Variants in MAPK10 observed in about 807,000 individuals in gnomAD.
The protein encoded by MAPK10 is JNK3 alpha protein kinase.
A neutral mutation model predicts 59.3 loss-of-function variants in MAPK10; 25 were observed. The ratio of observed to expected loss-of-function variants is 0.42; its 90% CI spans 0.31 to 0.59. MAPK10 has a LOEUF of 0.59. MAPK10 is among the 20% of genes least tolerant of loss of function. The pLI is 0.15. For missense variants in MAPK10, 351 were observed against 568.9 expected, an observed-to-expected ratio of 0.62 and a Z score of 3.90; for synonymous variants, 190 against 200.5, an observed-to-expected ratio of 0.95 and a Z score of 0.44.
rs116541412 is a variant in MAPK10, at chr4:86,397,613, G to A, written c.-121-42969C>T. 4.1e-3 allele frequency among the ~76,000 whole-genome samples: 625 copies of A among 152,170 alleles called. 6 individuals are homozygous for A. The highest frequency in any genetic ancestry group is 0.014 in the African/African-American group (597 of 41,544). On this transcript the variant is annotated intron_variant, in intron 1 of 13. Transcript: ENST00000361569. ...GTTAACTTCCCCTGGGCTTCCGGGT[G>A]TGAGATCCCTTCTTTCCCCACTGAT...
chr4:86,455,787 T>C (rs1470976214), upstream of MAPK10, among the ~76,000 whole-genome samples: 1 of 152,152 alleles, frequency 6.6e-6, no homozygotes, highest in East Asian at 1.9e-4. Context: ...GGATTTAAAC[T>C]ATGCACTGGA....
At chr4:86,067,257 T>A (rs912042253) in intron 10 of MAPK10, among the ~76,000 whole-genome samples, 1 of 152,160 alleles carries the variant, frequency 6.6e-6, no homozygotes. Flanking sequence ...CTCTCCTGCC[T>A]CAGCCTCCTG....
intron 1 of MAPK10, among the ~76,000 whole-genome samples, chr4:86,547,727 G>A (rs1267281979): frequency 2.0e-5 from 3 of 152,220 alleles, no homozygotes; most frequent in East Asian, 1.9e-4. Flanking sequence ...TGGGGATGTG[G>A]AGAACCTTTA....
chr4:86,589,713 TTAATC>T (rs941845919), intron 1 of MAPK10, among the ~76,000 whole-genome samples: 1 of 151,688 alleles, frequency 6.6e-6, no homozygotes, highest in Non-Finnish European at 1.5e-5. Context: ...AAAATGTTCT[TTAATC>T]TAGCAATTTT....
intron 2 of MAPK10, among the ~76,000 whole-genome samples, chr4:86,346,472 A>ATT (rs780269576): frequency 2.2e-4 from 34 of 152,152 alleles, no homozygotes; most frequent in Non-Finnish European, 4.1e-4. Context: ...AGACATAACC[A>ATT]TCATAGGCCT....
At chr4:86,435,692 CTT>C (rs1389103937) in intron 1 of MAPK10, among the ~76,000 whole-genome samples, 1 of 152,144 alleles carries the variant, frequency 6.6e-6, no homozygotes, top group Non-Finnish European at 1.5e-5. Flanking sequence ...TGATTAGTCA[CTT>C]TTGCTCTGGC....
At chr4:86,213,994 A>C (rs1475601466) in intron 2 of MAPK10, among the ~76,000 whole-genome samples, 1 of 152,108 alleles carries the variant, frequency 6.6e-6, no homozygotes, top group Non-Finnish European at 1.5e-5. Flanking sequence ...AACTCTTAGC[A>C]ACAAAATACT....
At chr4:86,118,233 C>G (rs1033840556) in intron 4 of MAPK10, among the ~76,000 whole-genome samples, 18 of 152,202 alleles carry the variant, frequency 1.2e-4, no homozygotes, top group Non-Finnish European at 2.9e-5. Flanking sequence ...GTCACAGATT[C>G]ATGTCTGAAA....
chr4:86,128,625 T>A (rs1230177789), intron 4 of MAPK10, among the ~76,000 whole-genome samples: 1 of 152,164 alleles, frequency 6.6e-6, no homozygotes, highest in Admixed American at 6.5e-5. Flanking sequence ...GTCTTGGGTA[T>A]GACTTTTTTA....
intron 2 of MAPK10, among the ~76,000 whole-genome samples, chr4:86,288,370 C>G (rs1311266964): frequency 7.2e-6 from 1 of 139,156 alleles, no homozygotes; most frequent in Non-Finnish European, 1.5e-5. Context: ...TAATGTTGAA[C>G]TCTATGAAAT....
intron 1 of MAPK10, among the ~76,000 whole-genome samples, chr4:86,382,626 T>G (rs903447810): frequency 2.0e-5 from 3 of 152,210 alleles, no homozygotes; most frequent in Non-Finnish European, 4.4e-5. Context: ...TAAGAATGAA[T>G]GTATTCACTT....
chr4:86,034,172 G>A (rs2039689589), intron 11 of MAPK10, among the ~76,000 whole-genome samples: 2 of 152,106 alleles, frequency 1.3e-5, no homozygotes, highest in Admixed American at 6.6e-5. Context: ...AGGATAAGAG[G>A]ACATTAAAGA....
intron 4 of MAPK10, among the ~76,000 whole-genome samples, chr4:86,139,764 A>G (rs934400025): frequency 1.3e-5 from 2 of 151,922 alleles, no homozygotes; most frequent in African/African-American, 4.8e-5. Context: ...AATGGGAGAA[A>G]ATTTTCTCAA....
intron 9 of MAPK10, chr4:86,081,925 T>C (rs1183980567): frequency 1.3e-5 from 2 of 151,784 alleles, no homozygotes; most frequent in East Asian, 1.9e-4. Context: ...AGTCTACTTA[T>C]AGGATAATGG....
intron 1 of MAPK10, among the ~76,000 whole-genome samples, chr4:86,394,038 A>C (rs1742589585): frequency 6.6e-6 from 1 of 152,170 alleles, no homozygotes; most frequent in Admixed American, 6.5e-5. Flanking sequence ...TGGGAGGCCG[A>C]GGTAGGCGGA....
At chr4:86,302,043 A>C (rs536015110) in intron 2 of MAPK10, among the ~76,000 whole-genome samples, 1 of 150,822 alleles carries the variant, frequency 6.6e-6, no homozygotes, top group East Asian at 2.0e-4. Context: ...AAAAAAAAAA[A>C]TCCAGTTGCA....
At chr4:86,398,002 A>G (rs1388204041) in intron 1 of MAPK10, among the ~76,000 whole-genome samples, 1 of 151,810 alleles carries the variant, frequency 6.6e-6, no homozygotes, top group Non-Finnish European at 1.5e-5. Context: ...TGAACTACCT[A>G]CTTTCCACTC....
intron 4 of MAPK10, among the ~76,000 whole-genome samples, chr4:86,135,225 T>C (rs992937974): frequency 1.3e-5 from 2 of 152,222 alleles, no homozygotes; most frequent in Admixed American, 6.5e-5. Context: ...GCTCCACCTC[T>C]GGGGGCAGGG....
At chr4:86,464,062 A>G (rs1306358234) in intron 1 of MAPK10, among the ~76,000 whole-genome samples, 4 of 152,206 alleles carry the variant, frequency 2.6e-5, no homozygotes, top group Non-Finnish European at 5.9e-5. Context: ...GTTAAATTAC[A>G]TGGATATGAT....
Sources: allele counts gnomAD v4.1 joint callset (sites outside exome capture counted in the v4.1 genomes callset), GRCh38; gene constraint gnomAD v4.1.1; transcripts MANE v1.5; gene names NCBI Gene and HGNC (gene_info 2026-07-23, HGNC 2026-07-21).